Variants in C19orf47 observed in about 807,000 individuals in gnomAD.
C19orf47 encodes the protein uncharacterized protein C19orf47.
C19orf47 carries 18 observed loss-of-function variants against 32.3 expected under a neutral mutation model. The ratio of observed to expected loss-of-function variants is 0.56; its 90% CI spans 0.39 to 0.83. The LOEUF is 0.83. Among genes scored for constraint, C19orf47 ranks in the 40% least tolerant of loss-of-function variants. The pLI, the probability that C19orf47 is intolerant of heterozygous loss-of-function variation, is 0.00. For synonymous variants in C19orf47, 202 were observed against 211.1 expected, an observed-to-expected ratio of 0.96 and a Z score of 0.37; for missense variants, 484 against 531.6, an observed-to-expected ratio of 0.91 and a Z score of 0.88.
chr19:40,316,098 T>C (rs533221895), downstream of C19orf47, among the ~76,000 whole-genome samples: 1 of 151,638 alleles, frequency 6.6e-6, no homozygotes, highest in African/African-American at 2.4e-5. Flanking sequence ...CAAAGTTGGG[T>C]CTATAGTTGC....
In C19orf47 at chr19:40,322,094, T is replaced by G; in HGVS notation, c.946A>C (p.Ile316Leu). ...AGGGCAGCTGCGCCCAGTCTCTTGA[T>G]GATGCTGACTTTAGACAAGGACTCC... ...KPESLSKVSI[I>L]KRLGAAALVP... The change falls in exon 9 of 9, where the codon ATC (isoleucine) becomes CTC (leucine). Residue 316 changes from isoleucine (I) to leucine (L), a missense_variant. By Grantham distance (5) the Ile-to-Leu change is conservative. This residue lies in a region of C19orf47 where 376 missense variants were observed against 370.2 expected (regional missense o/e 1.02). Transcript: ENST00000683109. 6.2e-7 allele frequency: 1 copy of G among 1,614,202 alleles called. No homozygotes were observed. Among genetic ancestry groups the G allele is most frequent in the East Asian group, 2.2e-5 (1 of 44,882 alleles).
chr19:40,328,420 C>A lies in C19orf47; in HGVS notation c.432G>T (p.Lys144Asn). The A allele has an allele frequency of 6.2e-7, 1 of 1,612,920 alleles. No homozygotes were observed. Among genetic ancestry groups the A allele is most frequent in the Non-Finnish European group, 8.5e-7 (1 of 1,179,456 alleles). The change falls in exon 6 of 9, where the codon AAG (lysine) becomes AAT (asparagine). Residue 144 changes from lysine (K) to asparagine (N), a missense_variant. Coordinates refer to ENST00000683109, the MANE Select transcript of C19orf47 (RefSeq NM_001256441.2). ...CTGCCCATGTTCCCTCACCAGTGGC[C>A]TTGGCACTCTTTGCTGCCATCTTGT... ...VSNKMAAKSA[K>N]ATAALARREE... is the part of the protein sequence containing the mutation.
intron 5 of C19orf47, among the ~76,000 whole-genome samples, chr19:40,330,438 A>G (rs1049245293): frequency 2.0e-5 from 3 of 150,456 alleles, no homozygotes; most frequent in Non-Finnish European, 4.4e-5. Flanking sequence ...TCACCATGTT[A>G]GCCAGGATGG....
intron 2 of C19orf47, among the ~76,000 whole-genome samples, chr19:40,338,168 G>A (rs1368258074): frequency 6.6e-6 from 1 of 151,280 alleles, no homozygotes; most frequent in Non-Finnish European, 1.5e-5. Context: ...TCAACCTCCT[G>A]GGCTCAAGCG....
downstream of C19orf47, among the ~76,000 whole-genome samples, chr19:40,319,160 C>T (rs890193214): frequency 6.6e-6 from 1 of 151,628 alleles, no homozygotes; most frequent in Non-Finnish European, 1.5e-5. Flanking sequence ...ATCCCAGCTA[C>T]CAGGGAGGCT....
At chr19:40,296,696 C>T in the C19orf47 span, among the ~76,000 whole-genome samples, 40 of 152,006 alleles carry the variant, frequency 2.6e-4, no homozygotes, top group Non-Finnish European at 4.6e-4. Flanking sequence ...GGTGAATCAC[C>T]TGAGGTCAGG....
At chr19:40,294,374 A>C in the C19orf47 span, among the ~76,000 whole-genome samples, 8 of 152,158 alleles carry the variant, frequency 5.3e-5, no homozygotes, top group Admixed American at 1.3e-4. Flanking sequence ...TAGCAGGAGA[A>C]AATGTGTGCG....
chr19:40,303,202 T>C, the C19orf47 span, among the ~76,000 whole-genome samples: 1 of 149,458 alleles, frequency 6.7e-6, no homozygotes, highest in Admixed American at 6.7e-5. Flanking sequence ...CACTCCAGCC[T>C]GGGCAACAAG....
Position 40,326,373 on chromosome 19 carries a change from G to A in C19orf47, c.553C>T (p.Arg185Cys), listed in dbSNP as rs763108351. The change falls in exon 7 of 9, where the codon CGC (arginine) becomes TGC (cysteine). Residue 185 changes from arginine to cysteine, a missense_variant. Transcript: ENST00000683109. ...TGCTGCTCCAGGATCTTGCGGGTGC[G>A]GGGTGTGGTGCCTTTGGGCATGTTG... ...VINMPKGTTP[R>C]TRKILEQQQA... 40 of 1,614,184 alleles carry A rather than the reference G, an allele frequency of 2.5e-5. No individual in the cohort carries two copies. Among genetic ancestry groups the A allele is most frequent in the Admixed American group, 2.0e-4 (12 of 60,026 alleles).
intron 6 of C19orf47, 106 bp downstream of exon 6, chr19:40,328,307 T>C: frequency 6.7e-7 from 1 of 1,485,044 alleles, no homozygotes; most frequent in Non-Finnish European, 9.1e-7. Context: ...TTGTATACCT[T>C]GTGGCCTTCA....
rs751511800 is a variant in C19orf47 at position 40,322,372 on chromosome 19, G to A, written c.668C>T (p.Thr223Ile). 1.6e-5 allele frequency: 26 copies of A among 1,576,390 alleles called. No individual in the cohort carries two copies. The South Asian group carries it at 3.0e-4, about 18-fold the overall frequency. ...KADTTTGSKPTGVFSRLGATP... is the reference protein window; with the variant it reads ...KADTTTGSKPIGVFSRLGATP... ...GGCCCCCAGGCGGCTGAAGACTCCT[G>A]TGGGCTGTGGAGGTCAGAGACAGGA... is the stretch of plus-strand genomic sequence containing the variant. Residue 223 changes from threonine to isoleucine, a missense_variant, in exon 9 of 9, where the codon ACA (threonine) becomes ATA (isoleucine). Thr to Ile is a moderately conservative substitution (Grantham distance 89, BLOSUM62 -1). Transcript: ENST00000683109.
In C19orf47 at chr19:40,326,432, C is replaced by G. The variant is rs534758453; in HGVS notation, c.494G>C (p.Arg165Pro). ...ESLAVPAKRR[R>P]VTAEMEGKYV... ...CTTCCCCTCCATCTCAGCAGTGACC[C>G]GGCGCCGCTTGGCAGGAACAGCCAG... is the stretch of plus-strand genomic sequence containing the variant. Residue 165 changes from arginine (R) to proline (P), a missense_variant, in exon 7 of 9, where the codon CGG becomes CCG. By Grantham distance (103) the Arg-to-Pro change is moderately radical. Coordinates refer to ENST00000683109, the MANE Select transcript of C19orf47 (RefSeq NM_001256441.2). The G allele has an allele frequency of 3.7e-6, 6 of 1,614,152 alleles. No individual in the cohort carries two copies. In the South Asian group the frequency reaches 5.5e-5, roughly 15 times the overall value.
At chr19:40,346,790 T>A (rs1490194976) in intron 1 of C19orf47, among the ~76,000 whole-genome samples, 1 of 151,998 alleles carries the variant, frequency 6.6e-6, no homozygotes, top group East Asian at 1.9e-4. Flanking sequence ...CCTCCCAAAG[T>A]GCTAGGATTA....
the C19orf47 span, among the ~76,000 whole-genome samples, chr19:40,293,303 G>A: frequency 3.3e-5 from 5 of 151,194 alleles, no homozygotes; most frequent in East Asian, 1.9e-4. Flanking sequence ...ATGCCACCAC[G>A]CCTGGCCAAT....
chr19:40,304,575 T>C, the C19orf47 span, among the ~76,000 whole-genome samples: 1 of 152,122 alleles, frequency 6.6e-6, no homozygotes, highest in Non-Finnish European at 1.5e-5. Flanking sequence ...CACCCTCCCA[T>C]AATTTAGGTC....
the C19orf47 span, among the ~76,000 whole-genome samples, chr19:40,297,280 G>T: frequency 1.3e-5 from 2 of 152,098 alleles, no homozygotes; most frequent in Non-Finnish European, 2.9e-5. Context: ...ATGGTGAATA[G>T]TGGGGACAGG....
intron 5 of C19orf47, among the ~76,000 whole-genome samples, chr19:40,330,446 T>C (rs1443855653): frequency 1.3e-5 from 2 of 151,838 alleles, no homozygotes; most frequent in East Asian, 3.9e-4. Flanking sequence ...TTAGCCAGGA[T>C]GGTCTCGATC....
chr19:40,306,639 G>A, the C19orf47 span, among the ~76,000 whole-genome samples: 1 of 152,002 alleles, frequency 6.6e-6, no homozygotes, highest in African/African-American at 2.4e-5. Flanking sequence ...CTGACCTCAG[G>A]TGATCTGCCA....
chr19:40,347,201 T>C (rs1019801325), intron 1 of C19orf47, among the ~76,000 whole-genome samples: 3 of 152,130 alleles, frequency 2.0e-5, no homozygotes, highest in Non-Finnish European at 4.4e-5. Flanking sequence ...GAACTTTTCC[T>C]TCCTCTCATG....
Sources: gnomAD v4.1 joint callset for allele counts (sites outside exome capture counted in the v4.1 genomes callset) on GRCh38, gnomAD v4.1.1 for gene constraint, gnomAD v4.1.1 regional missense constraint, MANE v1.5 for transcripts, NCBI Gene and HGNC (gene_info 2026-07-23, HGNC 2026-07-21) for gene names.